ZNF385B: variants seen among roughly 807,000 people sequenced by gnomAD.
ZNF385B encodes zinc finger protein 385B.
ZNF385B carries 23 observed loss-of-function variants against 39.2 expected under a neutral mutation model. The ratio of observed to expected loss-of-function variants is 0.59; its 90% CI spans 0.42 to 0.83. The LOEUF (loss-of-function observed/expected upper bound fraction) is 0.83, where lower values mean the gene tolerates loss of function less well. Ranked by LOEUF, ZNF385B falls within the 40% of genes least tolerant of loss-of-function variation. ZNF385B has a pLI of 0.00. For missense variants in ZNF385B, 552 were observed against 598.9 expected (o/e 0.92, Z 0.82); for synonymous variants, 205 against 222.6 (o/e 0.92, Z 0.70).
intron 6 of ZNF385B, among the ~76,000 whole-genome samples, chr2:179,473,669 C>G (rs984518347): frequency 2.0e-5 from 3 of 152,148 alleles, no homozygotes; most frequent in South Asian, 2.1e-4. Context: ...GTCATCCCCC[C>G]CCATTGCCCC....
At chr2:179,487,036 G>A (rs868338667) in intron 5 of ZNF385B, among the ~76,000 whole-genome samples, 9 of 152,216 alleles carry the variant, frequency 5.9e-5, no homozygotes, top group African/African-American at 1.9e-4. Flanking sequence ...ATAGTGCAGC[G>A]TTACTTTAGT....
At chr2:179,634,139 A>T (rs1404772089) in intron 3 of ZNF385B, among the ~76,000 whole-genome samples, 1 of 152,234 alleles carries the variant, frequency 6.6e-6, no homozygotes, top group Non-Finnish European at 1.5e-5. Flanking sequence ...CATTCAGGAC[A>T]CAGGCATGGG....
intron 3 of ZNF385B, among the ~76,000 whole-genome samples, chr2:179,715,559 G>A (rs1228874279): frequency 2.0e-5 from 3 of 152,082 alleles, no homozygotes; most frequent in African/African-American, 7.2e-5. Flanking sequence ...CCCATACCTC[G>A]ATATTTATAA....
chr2:179,500,105 C>T (rs1043953798), intron 5 of ZNF385B, among the ~76,000 whole-genome samples: 2 of 151,756 alleles, frequency 1.3e-5, no homozygotes, highest in African/African-American at 2.4e-5. Context: ...ACAAAGAAAA[C>T]TGTAAAATTG....
intron 1 of ZNF385B, among the ~76,000 whole-genome samples, chr2:179,780,647 C>T (rs570518966): frequency 4.9e-4 from 74 of 152,294 alleles, no homozygotes; most frequent in African/African-American, 1.7e-3. Flanking sequence ...CCTACTAATT[C>T]CTTTCTCTCT....
chr2:179,476,979 A>T (rs539299770), intron 6 of ZNF385B, among the ~76,000 whole-genome samples: 1 of 152,334 alleles, frequency 6.6e-6, no homozygotes, highest in East Asian at 1.9e-4. Context: ...GCTTTTCTAT[A>T]AATGACAGAT....
chr2:179,564,889 C>A (rs185527775), intron 3 of ZNF385B, among the ~76,000 whole-genome samples: 1 of 152,260 alleles, frequency 6.6e-6, no homozygotes, highest in East Asian at 1.9e-4. Context: ...CCTCACCTCA[C>A]TCCCTAAAGG....
chr2:179,442,816 A>C lies in ZNF385B; in HGVS notation c.*434T>G. 4.0e-6 allele frequency: 1 copy of C among 250,698 alleles called. No homozygotes were observed. Among genetic ancestry groups the C allele is most frequent in the East Asian group, 1.2e-4 (1 of 8,308 alleles). 15.5% of individuals were successfully genotyped at this position (250,698 alleles called of 1,614,324 possible). A position where few individuals can be genotyped will look rare whatever the true frequency, so the allele number is the denominator to read the frequency against. On this transcript the variant is annotated 3_prime_UTR_variant, in exon 10 of 10. Transcript: ENST00000410066. ...TTTTGTTCCACACTAGAATACACCCAGTTGGATACCAGAGTTATTTACAGA... is the reference window on the plus strand; with the variant it reads ...TTTTGTTCCACACTAGAATACACCCCGTTGGATACCAGAGTTATTTACAGA...
At chr2:179,601,230 T>C (rs1574949934) in intron 3 of ZNF385B, among the ~76,000 whole-genome samples, 1 of 152,326 alleles carries the variant, frequency 6.6e-6, no homozygotes, top group Non-Finnish European at 1.5e-5. Context: ...AGCCAGCTTA[T>C]TTGATAGCTT....
intron 3 of ZNF385B, among the ~76,000 whole-genome samples, chr2:179,640,880 C>A (rs1207446215): frequency 6.6e-6 from 1 of 152,152 alleles, no homozygotes; most frequent in Admixed American, 6.6e-5. Flanking sequence ...ATAAACACCA[C>A]CTATGTCAAA....
Position 179,472,508 on chromosome 2 carries a change from C to T in ZNF385B, c.715+10764G>A, listed in dbSNP as rs146345593. ...TAGAAGTTCATATATTTCAAAGCAA[C>T]GAATAAGATAATCTCTACTGTGGTA... On this transcript the variant is annotated intron_variant, in intron 6 of 9. Transcript: ENST00000410066. Among the ~76,000 whole-genome samples the T allele has an allele frequency of 1.1e-4, 17 of 152,094 alleles. No individual in the cohort carries two copies. In the East Asian group the frequency reaches 1.5e-3, roughly 14 times the overall value.
At chr2:179,448,313 G>T (rs2049719818) in intron 6 of ZNF385B, among the ~76,000 whole-genome samples, 2 of 152,050 alleles carry the variant, frequency 1.3e-5, no homozygotes, top group Admixed American at 6.6e-5. Flanking sequence ...GGATCCCTCA[G>T]ATTGAATTTG....
intron 4 of ZNF385B, among the ~76,000 whole-genome samples, chr2:179,535,086 AAC>A (rs1396108213): frequency 1.3e-5 from 2 of 152,176 alleles, no homozygotes; most frequent in Admixed American, 1.3e-4. Context: ...ACCTGGGAAA[AAC>A]ACAGAAATTA....
intron 5 of ZNF385B, among the ~76,000 whole-genome samples, chr2:179,493,767 A>ATGCATATATGTATACATATATGTATATG (rs1559338089): frequency 1.1e-5 from 1 of 89,164 alleles, no homozygotes; most frequent in Non-Finnish European, 2.6e-5. Flanking sequence ...ATATATGTAT[A>ATGCATATATGTATACATATATGTATATG]CATATATGTA....
At chr2:179,543,047 G>C (rs1349225768) in intron 4 of ZNF385B, among the ~76,000 whole-genome samples, 1 of 152,174 alleles carries the variant, frequency 6.6e-6, no homozygotes, top group Non-Finnish European at 1.5e-5. Context: ...CGAGGAGGGT[G>C]AATCACCTGA....
Position 179,818,737 on chromosome 2 carries a change from A to G in ZNF385B, c.-155+42364T>C, listed in dbSNP as rs568977906. On this transcript the variant is annotated intron_variant, in intron 1 of 9. Transcript: ENST00000410066. ...ACTATCCAGAGCTGACTAGGAGGAAACACATCACACAAGTGACTCACCGTC... is the reference window on the plus strand; with the variant it reads ...ACTATCCAGAGCTGACTAGGAGGAAGCACATCACACAAGTGACTCACCGTC... 2.9e-3 allele frequency among the ~76,000 whole-genome samples: 447 copies of G among 152,290 alleles called. 5 individuals carry two copies. The highest frequency in any genetic ancestry group is 0.01 in the African/African-American group (432 of 41,568).
chr2:179,809,973 A>G (rs1293246710), intron 1 of ZNF385B, among the ~76,000 whole-genome samples: 1 of 152,080 alleles, frequency 6.6e-6, no homozygotes, highest in Admixed American at 6.5e-5. Context: ...GTGAGGTAAT[A>G]CCACAAAAAT....
At chr2:179,525,389 T>A (rs1021475835) in intron 4 of ZNF385B, among the ~76,000 whole-genome samples, 18 of 152,138 alleles carry the variant, frequency 1.2e-4, no homozygotes, top group Admixed American at 1.2e-3. Context: ...AAGCCATAAA[T>A]AAAAATTTGG....
chr2:179,470,815 T>C (rs1013303398), intron 6 of ZNF385B, among the ~76,000 whole-genome samples: 1 of 149,554 alleles, frequency 6.7e-6, no homozygotes, highest in South Asian at 2.2e-4. Flanking sequence ...AAGCCTGCTG[T>C]TCAAGCCAGC....
Sources: gnomAD v4.1 joint callset for allele counts (sites outside exome capture counted in the v4.1 genomes callset) on GRCh38, gnomAD v4.1.1 for gene constraint, MANE v1.5 for transcripts, NCBI Gene and HGNC (gene_info 2026-07-23, HGNC 2026-07-21) for gene names.